Variants in VWF observed in about 807,000 individuals in gnomAD.
The protein encoded by VWF is Factor VIII related antigen.
VWF carries 176 observed loss-of-function variants against 308.6 expected under a neutral mutation model. That is an observed-to-expected ratio of 0.57 (90% CI 0.50 to 0.65). The LOEUF (loss-of-function observed/expected upper bound fraction) is 0.65. Ranked by LOEUF, VWF falls within the 30% of genes least tolerant of loss-of-function variation. The probability of loss-of-function intolerance (pLI) is 0.00; values close to 1 mark genes in which losing one functional copy is unlikely to be tolerated. For synonymous variants in VWF, 1,385 were observed against 1,443.4 expected, an observed-to-expected ratio of 0.96 and a Z score of 0.92; for missense variants, 3,146 against 3,648.2, an observed-to-expected ratio of 0.86 and a Z score of 3.55.
At position 6,063,162 on chromosome 12, in the gene VWF, G is replaced by T; in HGVS notation, c.1433-108C>A. The T allele has an allele frequency of 1.1e-6, 1 of 900,588 alleles. No individual in the cohort carries two copies. The highest frequency in any genetic ancestry group is 1.8e-6 in the Non-Finnish European group (1 of 564,462). The allele number at this position is 900,588 out of a possible 1,614,324, so 55.8% of individuals were successfully genotyped here. On this transcript the variant is annotated intron_variant, in intron 12 of 51. Transcript: ENST00000261405. This position sits in a 1 kb window ranked among gnomAD's most constrained non-coding sequence, Gnocchi z 4.9. ...GGTGTCTCAAAAGGATGGTAGCACT[G>T]AAGAGCAATGACTTAGGGGCAGATG...
Position 6,019,917 on chromosome 12 carries a change from C to T in VWF, c.3675-174G>A, listed in dbSNP as rs1455219258. Among the ~76,000 whole-genome samples the T allele has an allele frequency of 6.6e-6, 1 of 152,206 alleles. No individual in the cohort carries two copies. Among genetic ancestry groups the T allele is most frequent in the Non-Finnish European group, 1.5e-5 (1 of 68,032 alleles). Reference sequence around the variant, plus strand: ...TGAGATGTCATTGTTTAACATCTGTCCCCAAATAGCATGCCCCCCACCTTC... The same window carrying T: ...TGAGATGTCATTGTTTAACATCTGTTCCCAAATAGCATGCCCCCCACCTTC... On this transcript the variant is annotated intron_variant, in intron 27 of 51. Transcript: ENST00000261405. This position sits in a 1 kb window ranked among gnomAD's most constrained non-coding sequence, Gnocchi z 5.8.
chr12:6,018,358 A>G lies in VWF; in HGVS notation c.5053+7T>C, dbSNP rs1367315985. The G allele has an allele frequency of 6.2e-7, 1 of 1,608,070 alleles. No homozygotes were observed. The highest frequency in any genetic ancestry group is 1.1e-5 in the South Asian group (1 of 90,296). On this transcript the variant is annotated splice_region_variant and intron_variant, in intron 28 of 51. Transcript: ENST00000261405. ...CCCTCCCACCTGCACACAAGGTGCC[A>G]GCATACCAGGTGCAGGGGAGAGGGT... is the stretch of plus-strand genomic sequence containing the variant.
chr12:6,044,048 A>T (rs577278287), intron 18 of VWF, among the ~76,000 whole-genome samples: 1 of 152,130 alleles, frequency 6.6e-6, no homozygotes, highest in South Asian at 2.1e-4. Flanking sequence ...CTAAGTTCTT[A>T]TATTTTTGTC....
chr12:6,081,097 C>T (rs777801364), intron 6 of VWF, among the ~76,000 whole-genome samples: 87 of 152,272 alleles, frequency 5.7e-4, no homozygotes, highest in Non-Finnish European at 7.4e-4. Context: ...CATCCTCCTG[C>T]GTTCAGGAAA....
rs1945301580 is a variant in VWF at position 6,110,986 on chromosome 12, C to A, written c.221-18G>T. The A allele has an allele frequency of 6.3e-7, 1 of 1,593,174 alleles. No individual in the cohort carries two copies. Among genetic ancestry groups the A allele is most frequent in the Non-Finnish European group, 8.6e-7 (1 of 1,161,152 alleles). ...GAAGTCCCCTGAAAGAGAAAAAAGT[C>A]AATAGTAGTGATTATTACTCCTCTC... On this transcript the variant is annotated intron_variant, in intron 3 of 51. Transcript: ENST00000261405.
rs1346200862 is a variant in VWF, at chr12:5,983,404, T to TAGATAGAC, written c.6977-151_6977-150insGTCTATCT. On this transcript the variant is annotated intron_variant, in intron 40 of 51. Transcript: ENST00000261405. Reference sequence around the variant, plus strand: ...GAGACAGAGATTACATGGGTTAGGATAGATAGATAGATAGATAGATAGATA... The same window carrying TAGATAGAC: ...GAGACAGAGATTACATGGGTTAGGATAGATAGACAGATAGATAGATAGATAGATAGATA... The TAGATAGAC allele has an allele frequency of 2.4e-5, 13 of 538,280 alleles. No individual in the cohort carries two copies. The Admixed American group carries it at 3.7e-4, about 15-fold the overall frequency. The allele number at this position is 538,280 out of a possible 1,614,324, so 33.3% of individuals were successfully genotyped here. A position where few individuals can be genotyped will look rare whatever the true frequency, so the allele number is the denominator to read the frequency against.
chr12:5,956,006 A>G (rs921655219), intron 47 of VWF, among the ~76,000 whole-genome samples: 10 of 152,230 alleles, frequency 6.6e-5, no homozygotes, highest in Non-Finnish European at 1.5e-5. Flanking sequence ...GTTTAATAAT[A>G]AACAGTCATG....
chr12:6,109,807 C>T (rs900781455), intron 5 of VWF, among the ~76,000 whole-genome samples: 9 of 152,280 alleles, frequency 5.9e-5, no homozygotes, highest in South Asian at 2.1e-4. Context: ...CCCGCCACCA[C>T]GCCTGGCTAA....
chr12:6,042,961 C>G (rs147465831), intron 18 of VWF, among the ~76,000 whole-genome samples: 24 of 152,134 alleles, frequency 1.6e-4, no homozygotes, highest in Admixed American at 6.6e-4. Context: ...CCTAAGAGGC[C>G]CCAGGGATAA....
chr12:6,092,620 T>TGAGAGTGAGAGTGAGAGTGA (rs1250915385), intron 6 of VWF, among the ~76,000 whole-genome samples: 1 of 89,678 alleles, frequency 1.1e-5, no homozygotes, highest in African/African-American at 6.0e-5. Context: ...TGAGTGAGAG[T>TGAGAGTGAGAGTGAGAGTGA]GTGTGTGTGT....
intron 27 of VWF, 127 bp downstream of exon 27, chr12:6,021,773 C>A: frequency 3.6e-6 from 4 of 1,106,892 alleles, no homozygotes; most frequent in Non-Finnish European, 5.2e-6. Context: ...AATAAATAAA[C>A]AAATAAAATA....
In VWF at chr12:5,952,295, C is replaced by T. The variant is rs1943200450; in HGVS notation, c.8115+96G>A. 4 of 1,551,938 alleles carry T rather than the reference C, an allele frequency of 2.6e-6. No homozygotes were observed. In the Admixed American group the frequency reaches 6.7e-5, roughly 26 times the overall value. On this transcript the variant is annotated intron_variant, in intron 49 of 51. Transcript: ENST00000261405. The stretch of plus-strand genomic sequence containing the variant: ...CTAGGCCAGAGATGTGCCTCAGACA[C>T]TGAGAAATTATGCCGGAGCTGGGAT...
Position 6,031,476 on chromosome 12 carries a change from C to T in VWF, c.2788G>A (p.Glu930Lys). 1 of 1,614,202 alleles carries T rather than the reference C, an allele frequency of 6.2e-7. No individual in the cohort carries two copies. Among genetic ancestry groups the T allele is most frequent in the East Asian group, 2.2e-5 (1 of 44,880 alleles). Residue 930 changes from glutamate to lysine, a missense_variant, in exon 21 of 52, where the codon GAG becomes AAG. By Grantham distance (56) the Glu-to-Lys change is moderately conservative. Around this residue, in one of 3 missense-constraint regions of VWF, gnomAD observed 1,304 missense variants for 1,353.0 expected, o/e 0.96. Coordinates refer to ENST00000261405, the MANE Select transcript of VWF (RefSeq NM_000552.5). ...KCKKRVTILV[E>K]GGEIELFDGE... is the part of the protein sequence containing the mutation. ...TCAAACAGCTCAATCTCTCCTCCCT[C>T]CACCAGGATGGTGACCCGTTTCTTG...
chr12:6,075,870 C>T lies in VWF; in HGVS notation c.658-319G>A, dbSNP rs544428468. On this transcript the variant is annotated intron_variant, in intron 6 of 51. Coordinates refer to ENST00000261405, the MANE Select transcript of VWF (RefSeq NM_000552.5). The surrounding 1 kb of genome is among the most constrained non-coding windows in gnomAD (Gnocchi z 4.7). ...GATGGAGAGAAGCACAAAGAGCATG[C>T]GCCCTGGAGTTGGCCTGGGTGGCTG... Among the ~76,000 whole-genome samples the T allele has an allele frequency of 1.3e-5, 2 of 152,194 alleles. No individual in the cohort carries two copies. The highest frequency in any genetic ancestry group is 2.4e-5 in the African/African-American group (1 of 41,438).
chr12:5,984,439 A>G (rs534972625), intron 40 of VWF, among the ~76,000 whole-genome samples: 1 of 152,334 alleles, frequency 6.6e-6, no homozygotes, highest in South Asian at 2.1e-4. Context: ...CCCCTGATCT[A>G]TCTGCTCTCC....
At chr12:6,012,654 CA>C (rs1484044602) in intron 32 of VWF, among the ~76,000 whole-genome samples, 2 of 150,798 alleles carry the variant, frequency 1.3e-5, no homozygotes, top group Non-Finnish European at 2.9e-5. Flanking sequence ...GGAAAATATA[CA>C]AACCCAGGCC....
rs918350849 is a variant in VWF at position 6,020,521 on chromosome 12, A to C, written c.3675-778T>G. The stretch of plus-strand genomic sequence containing the variant: ...GTCTGTAGTAGAGCAGTGGCCCCCC[A>C]CACACAAATTCCTACACTACCATGC... On this transcript the variant is annotated intron_variant, in intron 27 of 51. Transcript: ENST00000261405. This position sits in a 1 kb window ranked among gnomAD's most constrained non-coding sequence, Gnocchi z 4.3. 2.0e-5 allele frequency among the ~76,000 whole-genome samples: 3 copies of C among 152,218 alleles called. No homozygotes were observed. Among genetic ancestry groups the C allele is most frequent in the Non-Finnish European group, 2.9e-5 (2 of 68,040 alleles).
chr12:5,994,025 T>A lies in VWF; in HGVS notation c.6435A>T (p.Pro2145=), dbSNP rs772003768. The change falls in exon 37 of 52, where the codon CCA becomes CCT. Residue 2145 remains proline, a synonymous_variant. Transcript: ENST00000261405. Reference sequence around the variant, plus strand: ...GGACCTTGTGGCATTCAGCAAACAGTGGTAAGAGGAGGACCTGGCAGTGGG... The same window carrying A: ...GGACCTTGTGGCATTCAGCAAACAGAGGTAAGAGGAGGACCTGGCAGTGGG... ...DSSHCQVLLL[P]LFAECHKVLA... is the part of the protein sequence containing the mutation. The A allele has an allele frequency of 6.2e-7, 1 of 1,613,958 alleles. No homozygotes were observed. Among genetic ancestry groups the A allele is most frequent in the Non-Finnish European group, 8.5e-7 (1 of 1,179,978 alleles).
In VWF at chr12:5,994,086, G is replaced by A. The variant is rs1943778318; in HGVS notation, c.6374C>T (p.Pro2125Leu). Residue 2125 changes from proline (P) to leucine (L), a missense_variant, in exon 37 of 52, where the codon CCC (proline) becomes CTC (leucine). This residue lies in a region of VWF where 989 missense variants were observed against 1,117.4 expected (regional missense o/e 0.89). Coordinates refer to ENST00000261405, the MANE Select transcript of VWF (RefSeq NM_000552.5). ...GACAAGACACTGCTCCTCCAGGATG[G>A]GCTGGCACGTCTGCCCTGGCCGCTG... ...TVQRPGQTCQPILEEQCLVPD... is the reference protein window; with the variant it reads ...TVQRPGQTCQLILEEQCLVPD... 1 of 1,614,034 alleles carries A rather than the reference G, an allele frequency of 6.2e-7. No individual in the cohort carries two copies. The highest frequency in any genetic ancestry group is 1.1e-5 in the South Asian group (1 of 91,080).
Sources: allele counts gnomAD v4.1 joint callset (sites outside exome capture counted in the v4.1 genomes callset), GRCh38; gene constraint gnomAD v4.1.1; regional missense constraint gnomAD v4.1.1; non-coding constraint Gnocchi (gnomAD v3.1); transcripts MANE v1.5; gene names NCBI Gene and HGNC (gene_info 2026-07-23, HGNC 2026-07-21).